Variants in SNX29 observed in about 807,000 individuals in gnomAD.
SNX29 encodes sorting nexin 29, also known as sorting nexin-29.
Under a neutral mutation model 102.1 loss-of-function variants are expected in SNX29, and 78 were observed. The ratio of observed to expected loss-of-function variants is 0.76; its 90% CI spans 0.64 to 0.92. The LOEUF is 0.92. Among genes scored for constraint, SNX29 ranks in the 40% least tolerant of loss-of-function variants. The pLI is 0.00. For missense variants in SNX29, 1,280 were observed against 1,061.7 expected, an observed-to-expected ratio of 1.21 and a Z score of -2.86; for synonymous variants, 580 against 414.5, an observed-to-expected ratio of 1.40 and a Z score of -4.85.
Position 12,573,199 on chromosome 16 carries a change from C to G in SNX29, c.*4570C>G, listed in dbSNP as rs2079223934. On this transcript the variant is annotated 3_prime_UTR_variant, in exon 21 of 21. Coordinates refer to ENST00000566228, the MANE Select transcript of SNX29 (RefSeq NM_032167.5). Reference sequence around the variant, plus strand: ...TGTAGCCATCCAGGGTCTCCCGGCTCTAGGCAGACCGGATCCCGCAGTTCA... The same window carrying G: ...TGTAGCCATCCAGGGTCTCCCGGCTGTAGGCAGACCGGATCCCGCAGTTCA... 8.8e-6 allele frequency: 2 copies of G among 226,438 alleles called. No homozygotes were observed. Among genetic ancestry groups the G allele is most frequent in the Non-Finnish European group, 8.8e-6 (1 of 113,946 alleles). The allele number at this position is 226,438 out of a possible 1,614,324, so 14.0% of individuals were successfully genotyped here. A position where few individuals can be genotyped will look rare whatever the true frequency, so the allele number is the denominator to read the frequency against.
intron 15 of SNX29, among the ~76,000 whole-genome samples, chr16:12,335,590 C>A (rs1214498108): frequency 6.6e-6 from 1 of 152,102 alleles, no homozygotes; most frequent in East Asian, 1.9e-4. Flanking sequence ...GTGGGAGGAT[C>A]TCTTGAGCCT....
At chr16:12,089,122 GA>G (rs2052369599) in intron 11 of SNX29, among the ~76,000 whole-genome samples, 1 of 89,592 alleles carries the variant, frequency 1.1e-5, no homozygotes, top group Non-Finnish European at 2.3e-5. Context: ...GAGAGAGAGA[GA>G]GAAAAGAGAG....
intron 14 of SNX29, among the ~76,000 whole-genome samples, chr16:12,225,209 T>C (rs2077578133): frequency 6.6e-6 from 1 of 152,236 alleles, no homozygotes; most frequent in Non-Finnish European, 1.5e-5. Context: ...AGCTGAACTC[T>C]TAATGTATCT....
chr16:12,478,565 C>T (rs779363308), intron 19 of SNX29, among the ~76,000 whole-genome samples: 3 of 152,204 alleles, frequency 2.0e-5, no homozygotes, highest in East Asian at 1.9e-4. Flanking sequence ...ATTAATTGGG[C>T]TCCAATTGTG....
chr16:12,572,635 A>G lies in SNX29; in HGVS notation c.*4006A>G. ...CGGCTACCCCCAGAATCCATCCTTCATTCCTCCACCAAGCTCCTGTGTGAG... is the reference window on the plus strand; with the variant it reads ...CGGCTACCCCCAGAATCCATCCTTCGTTCCTCCACCAAGCTCCTGTGTGAG... On this transcript the variant is annotated 3_prime_UTR_variant, in exon 21 of 21. Transcript: ENST00000566228. 9.4e-7 allele frequency: 1 copy of G among 1,063,842 alleles called. No homozygotes were observed. 65.9% of individuals were successfully genotyped at this position (1,063,842 alleles called of 1,614,324 possible).
chr16:12,541,232 T>G (rs745911548), intron 20 of SNX29, among the ~76,000 whole-genome samples: 4 of 152,174 alleles, frequency 2.6e-5, no homozygotes, highest in Non-Finnish European at 4.4e-5. Flanking sequence ...AGAAGGACTA[T>G]GGAACCATGT....
At chr16:12,232,032 A>G (rs1288069410) in intron 14 of SNX29, among the ~76,000 whole-genome samples, 1 of 152,108 alleles carries the variant, frequency 6.6e-6, no homozygotes, top group Admixed American at 6.5e-5. Flanking sequence ...GTAAGTTCTC[A>G]TGTCTGGGAA....
At chr16:12,533,486 C>G (rs1298749068) in intron 20 of SNX29, among the ~76,000 whole-genome samples, 1 of 152,216 alleles carries the variant, frequency 6.6e-6, no homozygotes, top group Non-Finnish European at 1.5e-5. Context: ...AGTGGGGTTC[C>G]TGGACAGACT....
intron 15 of SNX29, among the ~76,000 whole-genome samples, chr16:12,326,494 G>T (rs966185277): frequency 1.3e-5 from 2 of 152,094 alleles, no homozygotes; most frequent in Admixed American, 6.5e-5. Flanking sequence ...TGGCCATGTG[G>T]TCTCTGTCAC....
At chr16:12,548,834 C>T (rs949466252) in intron 20 of SNX29, among the ~76,000 whole-genome samples, 1 of 152,224 alleles carries the variant, frequency 6.6e-6, no homozygotes, top group South Asian at 2.1e-4. Flanking sequence ...CCAGCCCTGT[C>T]TAGCTCTCAG....
intron 14 of SNX29, among the ~76,000 whole-genome samples, chr16:12,216,746 C>G (rs920533436): frequency 2.7e-5 from 3 of 111,760 alleles, no homozygotes; most frequent in East Asian, 3.1e-4. Context: ...CGTTTTGGAT[C>G]ATTTCTGTTG....
intron 13 of SNX29, among the ~76,000 whole-genome samples, chr16:12,147,635 C>T (rs924973566): frequency 6.6e-6 from 1 of 152,208 alleles, no homozygotes; most frequent in African/African-American, 2.4e-5. Flanking sequence ...CTGGATGTAG[C>T]CGATCCAAGG....
rs568920976 is a variant in SNX29, at chr16:11,978,122, G to T, written c.7+1309G>T. On this transcript the variant is annotated intron_variant, in intron 1 of 20. Transcript: ENST00000566228. ...TGTGCCTTTTGTTTTTGTTATTCAA[G>T]GGCAAGATTTGTGAAATGGACAGTC... Among the ~76,000 whole-genome samples the T allele has an allele frequency of 7.3e-4, 111 of 152,262 alleles. 1 individual carries two copies. The highest frequency in any genetic ancestry group is 2.6e-3 in the African/African-American group (107 of 41,536).
chr16:12,526,674 C>G (rs924998029), intron 20 of SNX29: 3 of 506,628 alleles, frequency 5.9e-6, no homozygotes, highest in East Asian at 4.0e-5. Flanking sequence ...CATCACGCAT[C>G]GACTGAATTC....
At chr16:12,495,622 G>A (rs2088783007) in intron 19 of SNX29, among the ~76,000 whole-genome samples, 5 of 152,240 alleles carry the variant, frequency 3.3e-5, no homozygotes, top group Admixed American at 3.3e-4. Flanking sequence ...GTGCTGGCCG[G>A]CGGAGCCATT....
intron 15 of SNX29, among the ~76,000 whole-genome samples, chr16:12,337,632 T>A (rs1320583743): frequency 1.3e-5 from 2 of 152,150 alleles, no homozygotes; most frequent in Non-Finnish European, 2.9e-5. Context: ...GTGAGCCACT[T>A]CACCTAGTCA....
intron 11 of SNX29, among the ~76,000 whole-genome samples, chr16:12,100,920 G>C (rs1286716962): frequency 6.6e-6 from 1 of 152,128 alleles, no homozygotes; most frequent in South Asian, 2.1e-4. Flanking sequence ...GGGAGGGCTG[G>C]GGACTTTTTG....
intron 14 of SNX29, among the ~76,000 whole-genome samples, chr16:12,254,608 T>C (rs1311794951): frequency 2.0e-5 from 3 of 151,484 alleles, no homozygotes; most frequent in Non-Finnish European, 4.4e-5. Context: ...GCCACTGTAT[T>C]CCAGCCTGGG....
chr16:12,519,819 C>A (rs1278859056), intron 19 of SNX29, among the ~76,000 whole-genome samples: 1 of 152,018 alleles, frequency 6.6e-6, no homozygotes, highest in East Asian at 1.9e-4. Flanking sequence ...ACCAGCCTGG[C>A]CAACATGGCG....
Sources: gnomAD v4.1 joint callset for allele counts (sites outside exome capture counted in the v4.1 genomes callset) on GRCh38, gnomAD v4.1.1 for gene constraint, MANE v1.5 for transcripts, NCBI Gene and HGNC (gene_info 2026-07-23, HGNC 2026-07-21) for gene names.